The following PDHA1 variants were observed in gnomAD, a reference collection of about 807,000 sequenced individuals.
PDHA1 encodes pyruvate dehydrogenase E1 subunit alpha 1, also known as pyruvate dehydrogenase E1 component subunit alpha, somatic form, mitochondrial.
PDHA1 carries 1 observed loss-of-function variant against 33.0 expected under a neutral mutation model. The ratio of observed to expected loss-of-function variants is 0.03; its 90% CI spans 0.01 to 0.14. PDHA1 has a LOEUF of 0.14. Ranked by LOEUF, PDHA1 falls within the 10% of genes least tolerant of loss-of-function variation. The probability of loss-of-function intolerance (pLI) is 1.00; values close to 1 mark genes in which losing one functional copy is unlikely to be tolerated. For missense variants in PDHA1, 168 were observed against 325.1 expected (o/e 0.52, Z 3.72); for synonymous variants, 123 against 119.2 (o/e 1.03, Z -0.21).
In PDHA1 at chrX:19,359,027, A is replaced by ACAGT. The variant is rs2147187465; in HGVS notation, c.1008+6_1008+9dup. ...TTGCCAGTGTGGAAGAACTAAAGGT[A>ACAGT]CAGTCACTTGTTCATGGTGGTTTGA... On this transcript the variant is annotated splice_donor_region_variant and intron_variant, in intron 10 of 10. Coordinates refer to ENST00000422285, the MANE Select transcript of PDHA1 (RefSeq NM_000284.4). The ACAGT allele has an allele frequency of 9.0e-7, 1 of 1,113,004 alleles. No individual in the cohort carries two copies. The highest frequency in any genetic ancestry group is 1.2e-6 in the Non-Finnish European group (1 of 805,356). 91.7% of individuals were successfully genotyped at this position (1,113,004 alleles called of 1,213,427 possible).
intron 1 of PDHA1, among the ~76,000 whole-genome samples, chrX:19,346,888 T>A (rs914523700): frequency 1.8e-5 from 2 of 112,448 alleles, no homozygotes; most frequent in Non-Finnish European, 3.8e-5. Context: ...TTTACACTGT[T>A]AGAATCTGGA....
chrX:19,356,475 T>C (rs13440627), intron 8 of PDHA1, among the ~76,000 whole-genome samples: 23,976 of 110,972 alleles, frequency 0.22, 5,017 homozygotes, highest in African/African-American at 0.66. Flanking sequence ...AGGGTGGGAA[T>C]GTAGTAACAT....
At chrX:19,355,799 G>A (rs764716842) in intron 8 of PDHA1, 42 bp downstream of exon 8, 1 of 1,028,941 alleles carries the variant, frequency 9.7e-7, no homozygotes, top group Non-Finnish European at 1.4e-6. Flanking sequence ...ATTTATCTCT[G>A]GAAGTTCAAA....
In PDHA1 at chrX:19,355,668, T is replaced by G. The variant is rs770091255; in HGVS notation, c.760-18T>G. The G allele has an allele frequency of 2.5e-6, 3 of 1,190,900 alleles. No individual in the cohort carries two copies. Among genetic ancestry groups the G allele is most frequent in the South Asian group, 1.8e-5 (1 of 56,406 alleles). On this transcript the variant is annotated intron_variant, in intron 7 of 10. Transcript: ENST00000422285. ...GGCAGTTGGATTCATGCTTCGCCCC[T>G]CCCCTGTTTATTACCAGGTGGATGG...
chrX:19,351,385 A>C lies in PDHA1; in HGVS notation c.396A>C (p.Arg132=), dbSNP rs757654963. Residue 132 remains arginine (R), a synonymous_variant, in exon 4 of 11, where the codon CGA becomes CGC. Transcript: ENST00000422285. ...GFTFTRGLSV[R]EILAELTGRK... ...CTTTCACCCGGGGCCTTTCCGTCCG[A>C]GAAATTCTCGCAGAGCTTACAGGTT... is the stretch of plus-strand genomic sequence containing the variant. 1.3e-4 allele frequency: 160 copies of C among 1,209,293 alleles called. No homozygotes were observed. In the Middle Eastern group the frequency reaches 2.8e-3, roughly 21 times the overall value.
At chrX:19,354,197 C>T (rs1051640729) in intron 5 of PDHA1, among the ~76,000 whole-genome samples, 14 of 112,598 alleles carry the variant, frequency 1.2e-4, no homozygotes, top group African/African-American at 4.2e-4. Context: ...GCCCAAAGTG[C>T]TGGGATTACA....
chrX:19,352,613 C>T (rs1317624118), intron 4 of PDHA1, among the ~76,000 whole-genome samples: 1 of 112,519 alleles, frequency 8.9e-6, no homozygotes, highest in Non-Finnish European at 1.9e-5. Context: ...ATACAAAAAT[C>T]CTCAAATACT....
chrX:19,348,910 A>G (rs1169711042), intron 1 of PDHA1, among the ~76,000 whole-genome samples: 8 of 112,357 alleles, frequency 7.1e-5, no homozygotes, highest in African/African-American at 1.6e-4. Context: ...GCACCACTGC[A>G]CTCCAGCCTG....
rs183159864 is a variant in PDHA1, at chrX:19,347,114, G to A, written c.58-2198G>A. ...GTCTCATGTTGCCCAGGCTGGCTTT[G>A]AACTCCTGGCTTCAAGTGGTCCTCC... is the stretch of plus-strand genomic sequence containing the variant. On this transcript the variant is annotated intron_variant, in intron 1 of 10. Coordinates refer to ENST00000422285, the MANE Select transcript of PDHA1 (RefSeq NM_000284.4). Among the ~76,000 whole-genome samples, 7 of 110,508 alleles carry A rather than the reference G, an allele frequency of 6.3e-5. No homozygotes were observed. In the East Asian group the frequency reaches 1.7e-3, roughly 27 times the overall value.
chrX:19,350,202 G>T (rs1475426065), intron 3 of PDHA1, 92 bp downstream of exon 3: 7 of 645,130 alleles, frequency 1.1e-5, no homozygotes, highest in East Asian at 9.6e-5. Flanking sequence ...TGTATCAGAA[G>T]AGTTTGAGGC....
intron 1 of PDHA1, among the ~76,000 whole-genome samples, chrX:19,348,437 T>C (rs1314193112): frequency 8.9e-6 from 1 of 112,547 alleles, no homozygotes; most frequent in African/African-American, 3.2e-5. Flanking sequence ...CTCAAGCCCA[T>C]TGTGTTTAAG....
Position 19,359,848 on chromosome X carries a change from A to G in PDHA1, c.*195A>G. 2.1e-6 allele frequency: 1 copy of G among 472,897 alleles called. No homozygotes were observed. Among genetic ancestry groups the G allele is most frequent in the Non-Finnish European group, 3.7e-6 (1 of 266,893 alleles). 39.0% of individuals were successfully genotyped at this position (472,897 alleles called of 1,213,427 possible). ...TTAAAAGATGAATTATTGAGTGCTT[A>G]AAGATTATTTTTGACTTAAAATAGT... On this transcript the variant is annotated 3_prime_UTR_variant, in exon 11 of 11. Transcript: ENST00000422285.
intron 6 of PDHA1, 55 bp from the exon 7 acceptor site, chrX:19,355,294 T>A: frequency 8.7e-7 from 1 of 1,154,866 alleles, no homozygotes; most frequent in Non-Finnish European, 1.2e-6. Flanking sequence ...CTGTTAGAGA[T>A]GATGAAGCCT....
In PDHA1 at chrX:19,359,761, AACTTCCATTAAGTGTGT is replaced by A; in HGVS notation, c.*110_*126del. 2.7e-6 allele frequency: 2 copies of A among 733,944 alleles called. No homozygotes were observed. The highest frequency in any genetic ancestry group is 4.2e-6 in the Non-Finnish European group (2 of 477,578). The allele number at this position is 733,944 out of a possible 1,213,427, so 60.5% of individuals were successfully genotyped here. ...AATGAAATTCAATGAAATTCTTGGA[AACTTCCATTAAGTGTGT>A]AGATTGAGCAGGTAGTAATTGCATG... On this transcript the variant is annotated 3_prime_UTR_variant, in exon 11 of 11. Coordinates refer to ENST00000422285, the MANE Select transcript of PDHA1 (RefSeq NM_000284.4).
intron 3 of PDHA1, among the ~76,000 whole-genome samples, chrX:19,351,042 G>A (rs1410017538): frequency 2.7e-5 from 3 of 111,846 alleles, no homozygotes; most frequent in Non-Finnish European, 3.8e-5. Flanking sequence ...GACATCTGAT[G>A]TAGGCTTTTC....
At chrX:19,344,809 G>C (rs746978019) in intron 1 of PDHA1, among the ~76,000 whole-genome samples, 2 of 112,432 alleles carry the variant, frequency 1.8e-5, no homozygotes, top group African/African-American at 6.5e-5. Flanking sequence ...TATTTATTGA[G>C]TCTCCAGTTC....
At chrX:19,345,745 T>TGCC in intron 1 of PDHA1, 1 of 170,169 alleles carries the variant, frequency 5.9e-6, no homozygotes, top group African/African-American at 5.0e-5. Context: ...GTTTGCAGGG[T>TGCC]CCCCCCCCCC....
chrX:19,350,090 T>C lies in PDHA1; in HGVS notation c.271T>C (p.Cys91Arg). 1 of 1,204,337 alleles carries C rather than the reference T, an allele frequency of 8.3e-7. No homozygotes were observed. Reference protein sequence around the residue: ...LYKQKIIRGFCHLCDGQEACC... With the variant: ...LYKQKIIRGFRHLCDGQEACC... ...TAAACAGAAAATTATTCGTGGTTTC[T>C]GTCACTTGTGTGATGGTCAGGTGAG... Residue 91 changes from cysteine (C) to arginine (R), a missense_variant, in exon 3 of 11, where the codon TGT (cysteine) becomes CGT (arginine). By Grantham distance (180) the Cys-to-Arg change is radical. Transcript: ENST00000422285.
chrX:19,359,156 CA>C, intron 10 of PDHA1, 132 bp downstream of exon 10: 1 of 507,232 alleles, frequency 2.0e-6, no homozygotes, highest in East Asian at 3.6e-5. Context: ...TCCATAGTTC[CA>C]AAGTCCCTTG....
Sources: allele counts gnomAD v4.1 joint callset (sites outside exome capture counted in the v4.1 genomes callset), GRCh38; gene constraint gnomAD v4.1.1; transcripts MANE v1.5; gene names NCBI Gene and HGNC (gene_info 2026-07-23, HGNC 2026-07-21).